HDAC9: variants seen among roughly 807,000 people sequenced by gnomAD.
HDAC9 encodes MEF-2 interacting transcription repressor (MITR) protein.
A neutral mutation model predicts 139.4 loss-of-function variants in HDAC9; 41 were observed. That is an observed-to-expected ratio of 0.29 (90% CI 0.23 to 0.38). The LOEUF is 0.38. HDAC9 is among the 10% of genes least tolerant of loss of function. The pLI, the probability that HDAC9 is intolerant of heterozygous loss-of-function variation, is 1.00. For synonymous variants in HDAC9, 517 were observed against 476.2 expected, an observed-to-expected ratio of 1.09 and a Z score of -1.12; for missense variants, 1,147 against 1,297.0, an observed-to-expected ratio of 0.88 and a Z score of 1.78.
intron 2 of HDAC9, among the ~76,000 whole-genome samples, chr7:18,240,040 C>T (rs959020136): frequency 6.7e-6 from 1 of 148,930 alleles, no homozygotes; most frequent in Non-Finnish European, 1.5e-5. Flanking sequence ...TTTAGTCGGT[C>T]TCATCTCCTT....
rs142862501 is a variant in HDAC9, at chr7:18,889,893, T to C, written c.2803+15297T>C. ...TCCTGTAAAAAATTTTTTGTAGAGG[T>C]AGGATCTTGTTATGTTGCCCAGGCT... On this transcript the variant is annotated intron_variant, in intron 22 of 25. Coordinates refer to ENST00000686413, the MANE Select transcript of HDAC9 (RefSeq NM_178425.4). Among the ~76,000 whole-genome samples, 21 of 152,250 alleles carry C rather than the reference T, an allele frequency of 1.4e-4. No homozygotes were observed. In the East Asian group the frequency reaches 4.1e-3, roughly 29 times the overall value.
At chr7:18,453,133 G>C (rs1793033757) in intron 1 of HDAC9, among the ~76,000 whole-genome samples, 2 of 152,262 alleles carry the variant, frequency 1.3e-5, no homozygotes, top group South Asian at 4.1e-4. Flanking sequence ...CTCTAATTGT[G>C]TAGTTAGGGT....
At chr7:18,627,681 G>A (rs1362052265) in intron 6 of HDAC9, among the ~76,000 whole-genome samples, 6 of 152,078 alleles carry the variant, frequency 3.9e-5, no homozygotes, top group Non-Finnish European at 8.8e-5. Context: ...TGGTTGGTTT[G>A]TTTGCCTTCA....
intron 24 of HDAC9, 96 bp downstream of exon 24, chr7:18,954,326 A>G: frequency 1.1e-6 from 1 of 946,920 alleles, no homozygotes; most frequent in African/African-American, 1.7e-5. Context: ...ATTTAGAGTT[A>G]TCATAATTTG....
At position 18,283,988 on chromosome 7, in the gene HDAC9, CA is replaced by C. The variant is rs1186042628; in HGVS notation, c.25+121641del. On this transcript the variant is annotated intron_variant, in intron 2 of 12. Transcript: ENST00000417496. ...AAAGGAGATCCTCTGGAAGTTAAAC[CA>C]ATGTGTTTAAGGTTAAACCCTGCCT... Among the ~76,000 whole-genome samples, 4 of 152,144 alleles carry C rather than the reference CA, an allele frequency of 2.6e-5. No individual in the cohort carries two copies. In the East Asian group the frequency reaches 7.7e-4, roughly 29 times the overall value.
intron 2 of HDAC9, among the ~76,000 whole-genome samples, chr7:18,190,896 T>G (rs887289074): frequency 1.3e-5 from 2 of 152,204 alleles, no homozygotes; most frequent in African/African-American, 4.8e-5. Context: ...TTGTAAAACA[T>G]GCGGAATATT....
intron 22 of HDAC9, among the ~76,000 whole-genome samples, chr7:18,917,705 T>C (rs772572563): frequency 6.6e-6 from 1 of 152,026 alleles, no homozygotes; most frequent in Non-Finnish European, 1.5e-5. Flanking sequence ...TTTCATGTAT[T>C]CACCTTAACT....
intron 12 of HDAC9, among the ~76,000 whole-genome samples, chr7:18,722,600 G>A (rs936471741): frequency 1.3e-5 from 2 of 152,094 alleles, no homozygotes; most frequent in Non-Finnish European, 2.9e-5. Context: ...CAGCTTTCAA[G>A]CTCAAGAAGG....
At chr7:18,701,597 C>G (rs1046775110) in intron 12 of HDAC9, among the ~76,000 whole-genome samples, 21 of 152,176 alleles carry the variant, frequency 1.4e-4, no homozygotes, top group South Asian at 4.1e-4. Flanking sequence ...ATAGAAAATA[C>G]AATGCTGTTT....
intron 12 of HDAC9, among the ~76,000 whole-genome samples, chr7:18,720,585 T>C (rs1456342141): frequency 6.6e-6 from 1 of 151,596 alleles, no homozygotes; most frequent in Non-Finnish European, 1.5e-5. Context: ...GTATATCTTA[T>C]GAATATATGA....
At chr7:18,326,148 C>T (rs1721446932) in intron 1 of HDAC9, among the ~76,000 whole-genome samples, 1 of 152,010 alleles carries the variant, frequency 6.6e-6, no homozygotes, top group Non-Finnish European at 1.5e-5. Flanking sequence ...TAGCAAATTA[C>T]ATTTAATATT....
intron 25 of HDAC9, among the ~76,000 whole-genome samples, chr7:18,993,190 G>A (rs1163948294): frequency 7.6e-6 from 1 of 131,642 alleles, no homozygotes; most frequent in South Asian, 2.3e-4. Context: ...CTAGGGCTAT[G>A]AGAAGAGAGA....
At chr7:18,257,109 T>A (rs374973721) in intron 2 of HDAC9, among the ~76,000 whole-genome samples, 1 of 123,860 alleles carries the variant, frequency 8.1e-6, no homozygotes, top group Non-Finnish European at 1.7e-5. Context: ...TGTGTGTGTG[T>A]GTGCATGTAT....
At chr7:18,406,204 T>C (rs972145322) in intron 1 of HDAC9, among the ~76,000 whole-genome samples, 5 of 152,182 alleles carry the variant, frequency 3.3e-5, no homozygotes, top group African/African-American at 4.8e-5. Flanking sequence ...AATATGACTT[T>C]TCCATAATTG....
chr7:18,227,562 A>T (rs555254384), intron 2 of HDAC9, among the ~76,000 whole-genome samples: 1 of 152,140 alleles, frequency 6.6e-6, no homozygotes, highest in African/African-American at 2.4e-5. Flanking sequence ...ATAATTTGTT[A>T]TCAACATTCT....
intron 17 of HDAC9, among the ~76,000 whole-genome samples, chr7:18,819,563 T>C (rs902391480): frequency 5.3e-5 from 8 of 152,198 alleles, no homozygotes; most frequent in Admixed American, 3.9e-4. Context: ...GGATACCACA[T>C]GGCTATATTT....
At chr7:18,519,835 G>T (rs1337570641) in intron 2 of HDAC9, among the ~76,000 whole-genome samples, 1 of 151,996 alleles carries the variant, frequency 6.6e-6, no homozygotes, top group African/African-American at 2.4e-5. Flanking sequence ...GGAAAACTGA[G>T]GGCAATCTAA....
At chr7:18,116,663 A>C (rs563558209) in intron 1 of HDAC9, among the ~76,000 whole-genome samples, 1 of 152,128 alleles carries the variant, frequency 6.6e-6, no homozygotes. Context: ...TTAACAAATA[A>C]TAGAGTTGAT....
intron 23 of HDAC9, among the ~76,000 whole-genome samples, chr7:18,939,833 A>T (rs1019989978): frequency 6.6e-6 from 1 of 151,860 alleles, no homozygotes; most frequent in Non-Finnish European, 1.5e-5. Context: ...TTTTACAAAT[A>T]ACAAAATGTA....
Sources: allele counts gnomAD v4.1 joint callset (sites outside exome capture counted in the v4.1 genomes callset), GRCh38; gene constraint gnomAD v4.1.1; transcripts MANE v1.5; gene names NCBI Gene and HGNC (gene_info 2026-07-23, HGNC 2026-07-21).